The following UBP1 variants were observed in gnomAD, a reference collection of about 807,000 sequenced individuals.
The protein encoded by UBP1 is upstream binding protein 1, also known as upstream-binding protein 1.
A neutral mutation model predicts 76.1 loss-of-function variants in UBP1; 22 were observed. The ratio of observed to expected loss-of-function variants is 0.29; its 90% confidence interval spans 0.21 to 0.41. The LOEUF (loss-of-function observed/expected upper bound fraction) is 0.41. UBP1 is among the 10% of genes least tolerant of loss of function. UBP1 has a pLI of 1.00. For synonymous variants in UBP1, 224 were observed against 237.1 expected (o/e 0.94, Z 0.51); for missense variants, 436 against 668.1 (o/e 0.65, Z 3.83).
chr3:33,393,329 T>G lies in UBP1; in HGVS notation c.1516A>C (p.Ile506Leu). ...TGATTTACCTGATCACTAACAAGAA[T>G]GTGAATACCGGTGGGACCCTGTCTG... Reference protein sequence around the residue: ...VYRQGPTGIHILVSDQMVQNF... With the variant: ...VYRQGPTGIHLLVSDQMVQNF... The change falls in exon 14 of 16, where the codon ATT (isoleucine) becomes CTT (leucine). Residue 506 changes from isoleucine to leucine, a missense_variant. By Grantham distance (5) the Ile-to-Leu change is conservative (BLOSUM62 2). Transcript: ENST00000283629. 1.2e-6 allele frequency: 2 copies of G among 1,606,846 alleles called. No individual in the cohort carries two copies. Among genetic ancestry groups the G allele is most frequent in the Non-Finnish European group, 1.7e-6 (2 of 1,177,480 alleles).
chr3:33,388,657 C>G lies in UBP1; in HGVS notation c.*1674G>C, dbSNP rs1228509076. On this transcript the variant is annotated 3_prime_UTR_variant, in exon 16 of 16. Transcript: ENST00000283629. ...ACAAACGAGATAAACTCACTTCTTT[C>G]CCCAGTGACTGGTACAGAAAACATG... The G allele has an allele frequency of 6.6e-6, 1 of 152,116 alleles. No homozygotes were observed. The highest frequency in any genetic ancestry group is 1.5e-5 in the Non-Finnish European group (1 of 68,038). 9.4% of individuals were successfully genotyped at this position (152,116 alleles called of 1,614,324 possible).
At chr3:33,390,405 G>C (rs763243312) in intron 15 of UBP1, 37 bp from the exon 16 acceptor site, 14 of 1,613,274 alleles carry the variant, frequency 8.7e-6, no homozygotes, top group Non-Finnish European at 1.0e-5. Flanking sequence ...CTTCAGTCAG[G>C]CTTAGGAAAT....
intron 8 of UBP1, among the ~76,000 whole-genome samples, chr3:33,404,680 A>G (rs1192068507): frequency 2.0e-5 from 3 of 152,102 alleles, no homozygotes; most frequent in Non-Finnish European, 4.4e-5. Context: ...CATAACTCTA[A>G]TGACTAAGTT....
At chr3:33,437,021 G>A (rs963115762) in intron 1 of UBP1, among the ~76,000 whole-genome samples, 1 of 152,202 alleles carries the variant, frequency 6.6e-6, no homozygotes, top group Admixed American at 6.5e-5. Flanking sequence ...ATTTCAAATA[G>A]AATCTGCTGC....
At chr3:33,394,300 C>G (rs1224483964) in intron 13 of UBP1, among the ~76,000 whole-genome samples, 3 of 151,818 alleles carry the variant, frequency 2.0e-5, no homozygotes, top group Admixed American at 2.0e-4. Context: ...CCCAGTTAGG[C>G]CTCCCAAAGT....
intron 9 of UBP1, among the ~76,000 whole-genome samples, chr3:33,401,623 C>A (rs1000872636): frequency 2.0e-5 from 3 of 152,214 alleles, no homozygotes; most frequent in Admixed American, 2.0e-4. Flanking sequence ...CCTTTCTTAG[C>A]CCCCGTGCCT....
intron 2 of UBP1, among the ~76,000 whole-genome samples, chr3:33,422,066 TAAAAAG>T (rs1255721627): frequency 1.3e-5 from 2 of 151,858 alleles, no homozygotes; most frequent in Admixed American, 6.6e-5. Flanking sequence ...ATAATAAAAT[TAAAAAG>T]AAAAAGAAAA....
intron 2 of UBP1, among the ~76,000 whole-genome samples, chr3:33,423,626 G>A (rs1035426651): frequency 2.0e-5 from 3 of 152,190 alleles, no homozygotes; most frequent in Admixed American, 2.0e-4. Context: ...AGTTTCAAGG[G>A]AATATATATG....
At chr3:33,405,804 C>T (rs1023349597) in intron 8 of UBP1, among the ~76,000 whole-genome samples, 1 of 151,998 alleles carries the variant, frequency 6.6e-6, no homozygotes, top group South Asian at 2.1e-4. Flanking sequence ...GTGTCAAGAC[C>T]ACTGGTGTAA....
At chr3:33,393,729 AT>A (rs1426144374) in intron 13 of UBP1, among the ~76,000 whole-genome samples, 2 of 152,148 alleles carry the variant, frequency 1.3e-5, no homozygotes. Context: ...TGAGGTTTGA[AT>A]TTTTCTTCAT....
At chr3:33,405,112 T>A (rs2044381932) in intron 8 of UBP1, among the ~76,000 whole-genome samples, 1 of 151,928 alleles carries the variant, frequency 6.6e-6, no homozygotes, top group Admixed American at 6.5e-5. Context: ...TGTAAGGCAA[T>A]TTTTTTAGGG....
At chr3:33,400,588 A>G (rs138175732) in intron 10 of UBP1, among the ~76,000 whole-genome samples, 1 of 152,358 alleles carries the variant, frequency 6.6e-6, no homozygotes, top group Non-Finnish European at 1.5e-5. Context: ...AAAGACTTAT[A>G]TTCTCACTTA....
At chr3:33,432,508 G>C (rs141083269) in intron 1 of UBP1, among the ~76,000 whole-genome samples, 3 of 152,236 alleles carry the variant, frequency 2.0e-5, no homozygotes, top group East Asian at 3.9e-4. Context: ...TTGAGACAAA[G>C]TAGTAACTAA....
chr3:33,392,636 G>C, intron 14 of UBP1, 22 bp from the exon 15 acceptor site: 1 of 1,592,258 alleles, frequency 6.3e-7, no homozygotes, highest in East Asian at 2.2e-5. Context: ...AAGTAAATGC[G>C]TAAGTACAAT....
At chr3:33,401,118 G>A (rs925754650) in intron 9 of UBP1, 102 bp from the exon 10 acceptor site, 1 of 1,099,184 alleles carries the variant, frequency 9.1e-7, no homozygotes, top group Non-Finnish European at 1.3e-6. Context: ...CAAATTTCAA[G>A]TAAGGCAACA....
Position 33,416,842 on chromosome 3 carries a change from A to G in UBP1, c.266-8T>C. On this transcript the variant is annotated splice_polypyrimidine_tract_variant and splice_region_variant and intron_variant, in intron 2 of 15. Transcript: ENST00000283629. ...GAATTTCATATGACTGACCTATTTA[A>G]AGAAATTGTGTATAAAAAACAATCC... 1 of 1,610,906 alleles carries G rather than the reference A, an allele frequency of 6.2e-7. No homozygotes were observed. Among genetic ancestry groups the G allele is most frequent in the Non-Finnish European group, 8.5e-7 (1 of 1,177,672 alleles).
rs200913437 is a variant in UBP1 at position 33,409,563 on chromosome 3, G to A, written c.594C>T (p.His198=). The change falls in exon 6 of 16, where the codon CAC becomes CAT. Residue 198 remains histidine, a synonymous_variant. Transcript: ENST00000283629. ...TAAAGGGCACTCCCTTTTCACCTCC[G>A]TGCTTCCGTGGAGTAAATTCTGTGC... The part of the protein sequence containing the change: ...CISTEFTPRK[H]GGEKGVPFRI... The A allele has an allele frequency of 6.4e-5, 104 of 1,614,132 alleles. No homozygotes were observed. The highest frequency in any genetic ancestry group is 4.9e-4 in the African/African-American group (37 of 75,022).
rs909236564 is a variant in UBP1 at position 33,402,923 on chromosome 3, ATAAAT to A, written c.928-24_928-20del. ...GAGAACACTAAGGACAGAAACAGAA[ATAAAT>A]TAGTGATATGCTTTTAAAATATGTG... On this transcript the variant is annotated intron_variant, in intron 8 of 15. Coordinates refer to ENST00000283629, the MANE Select transcript of UBP1 (RefSeq NM_014517.5). The A allele has an allele frequency of 6.4e-7, 1 of 1,571,600 alleles. No homozygotes were observed. Among genetic ancestry groups the A allele is most frequent in the Non-Finnish European group, 8.7e-7 (1 of 1,150,888 alleles).
At chr3:33,416,381 T>C (rs1471514748) in intron 3 of UBP1, among the ~76,000 whole-genome samples, 2 of 152,330 alleles carry the variant, frequency 1.3e-5, no homozygotes, top group East Asian at 3.9e-4. Context: ...ATGAGTAGGG[T>C]GAACAGAGAT....
Sources: allele counts gnomAD v4.1 joint callset (sites outside exome capture counted in the v4.1 genomes callset), GRCh38; gene constraint gnomAD v4.1.1; transcripts MANE v1.5; gene names NCBI Gene and HGNC (gene_info 2026-07-23, HGNC 2026-07-21).